NAA35: variants seen among roughly 807,000 people sequenced by gnomAD.
The protein encoded by NAA35 is MAK10 homolog, amino-acid N-acetyltransferase subunit.
NAA35 carries 18 observed loss-of-function variants against 101.7 expected under a neutral mutation model. The ratio of observed to expected loss-of-function variants is 0.18; its 90% CI spans 0.12 to 0.26. The LOEUF is 0.26. Ranked by LOEUF, NAA35 falls within the 10% of genes least tolerant of loss-of-function variation. The pLI is 1.00. For synonymous variants in NAA35, 267 were observed against 273.1 expected, an observed-to-expected ratio of 0.98 and a Z score of 0.22; for missense variants, 601 against 886.8, an observed-to-expected ratio of 0.68 and a Z score of 4.09.
intron 11 of NAA35, among the ~76,000 whole-genome samples, chr9:85,979,472 T>C (rs1830346160): frequency 6.6e-6 from 1 of 152,174 alleles, no homozygotes; most frequent in Non-Finnish European, 1.5e-5. Context: ...AGGGCAAATA[T>C]TTAGGCTAAA....
intron 14 of NAA35, among the ~76,000 whole-genome samples, chr9:86,008,137 A>C (rs1831731228): frequency 6.6e-6 from 1 of 152,236 alleles, no homozygotes; most frequent in South Asian, 2.1e-4. Context: ...ATCTCAGCTT[A>C]CTGCAACCTC....
intron 3 of NAA35, among the ~76,000 whole-genome samples, chr9:85,958,045 G>T (rs1434282042): frequency 6.6e-6 from 1 of 151,790 alleles, no homozygotes; most frequent in Admixed American, 6.6e-5. Context: ...GGGTTCAAGC[G>T]ATTCTCCTGC....
intron 11 of NAA35, among the ~76,000 whole-genome samples, chr9:85,979,064 C>T (rs1830330565): frequency 6.6e-6 from 1 of 152,162 alleles, no homozygotes; most frequent in Non-Finnish European, 1.5e-5. Context: ...TTCGATTACA[C>T]ATGTTAGAAA....
chr9:86,019,215 T>C (rs908058810), intron 21 of NAA35, among the ~76,000 whole-genome samples: 1 of 151,940 alleles, frequency 6.6e-6, no homozygotes, highest in Non-Finnish European at 1.5e-5. Flanking sequence ...TCTCAGCACT[T>C]TGGGAGGCCG....
Position 85,941,232 on chromosome 9 carries a change from C to A in NAA35, c.-47C>A. 1.0e-6 allele frequency: 1 copy of A among 986,554 alleles called. No homozygotes were observed. Among genetic ancestry groups the A allele is most frequent in the South Asian group, 4.6e-5 (1 of 21,534 alleles). 61.1% of individuals were successfully genotyped at this position (986,554 alleles called of 1,614,324 possible). ...GAGGCGGCGTCGTTATTTCCGTGGT[C>A]CGGACAGTGCGTGGCGGCGCGGGTG... On this transcript the variant is annotated 5_prime_UTR_variant, in exon 1 of 23. Transcript: ENST00000361671.
chr9:85,992,571 T>A (rs1830965118), intron 11 of NAA35, among the ~76,000 whole-genome samples: 1 of 152,150 alleles, frequency 6.6e-6, no homozygotes, highest in African/African-American at 2.4e-5. Context: ...TTCTGTAATA[T>A]TCCAAAGATT....
chr9:86,018,224 C>T, intron 19 of NAA35, 31 bp from the exon 20 acceptor site: 1 of 1,589,540 alleles, frequency 6.3e-7, no homozygotes, highest in South Asian at 1.1e-5. Context: ...ATATTGATTT[C>T]ATCTTTTTTC....
chr9:85,947,822 T>C (rs1268302951), intron 2 of NAA35, among the ~76,000 whole-genome samples: 1 of 152,196 alleles, frequency 6.6e-6, no homozygotes, highest in Non-Finnish European at 1.5e-5. Flanking sequence ...TCTCAAACCC[T>C]GAATTCTTCA....
Position 86,017,478 on chromosome 9 carries a change from G to A in NAA35, c.1706-20G>A, listed in dbSNP as rs372017994. The A allele has an allele frequency of 2.0e-5, 33 of 1,610,418 alleles. No individual in the cohort carries two copies. The highest frequency in any genetic ancestry group is 2.7e-5 in the Non-Finnish European group (32 of 1,177,516). The stretch of plus-strand genomic sequence containing the variant: ...GGAGGAAAAGATTATGGAAGATTAC[G>A]TTTTTCTTTCTAATTACAGTTCGCC... On this transcript the variant is annotated intron_variant, in intron 18 of 22. Coordinates refer to ENST00000361671, the MANE Select transcript of NAA35 (RefSeq NM_024635.4).
Position 85,941,173 on chromosome 9 carries a change from G to T in NAA35, c.-106G>T. ...ACGCATGCGTGCACGCTGCCGGTCG[G>T]GCTGGGCTGAGAGGGGAGGGGGCGG... On this transcript the variant is annotated 5_prime_UTR_variant, in exon 1 of 23. Transcript: ENST00000361671. 7.1e-6 allele frequency: 7 copies of T among 986,456 alleles called. No individual in the cohort carries two copies. The highest frequency in any genetic ancestry group is 8.4e-6 in the Non-Finnish European group (7 of 830,526). 61.1% of individuals were successfully genotyped at this position (986,456 alleles called of 1,614,324 possible).
At chr9:85,973,713 G>A (rs1830093850) in intron 6 of NAA35, among the ~76,000 whole-genome samples, 1 of 151,868 alleles carries the variant, frequency 6.6e-6, no homozygotes, top group Admixed American at 6.6e-5. Flanking sequence ...GACTATAAAA[G>A]AGAATAAGCT....
intron 15 of NAA35, 71 bp from the exon 16 acceptor site, chr9:86,012,975 T>C (rs184541285): frequency 2.3e-5 from 24 of 1,055,604 alleles, no homozygotes; most frequent in Admixed American, 2.0e-4. Context: ...GATTGTGAAC[T>C]TGGAATGTTA....
chr9:85,941,169 G>A lies in NAA35; in HGVS notation c.-110G>A, dbSNP rs971716491. The A allele has an allele frequency of 1.0e-6, 1 of 986,178 alleles. No individual in the cohort carries two copies. The highest frequency in any genetic ancestry group is 6.1e-5 in the Admixed American group (1 of 16,298). The allele number at this position is 986,178 out of a possible 1,614,324, so 61.1% of individuals were successfully genotyped here. On this transcript the variant is annotated 5_prime_UTR_variant, in exon 1 of 23. Transcript: ENST00000361671. ...GCATACGCATGCGTGCACGCTGCCG[G>A]TCGGGCTGGGCTGAGAGGGGAGGGG...
intron 19 of NAA35, 68 bp from the exon 20 acceptor site, chr9:86,018,187 C>A: frequency 1.4e-6 from 2 of 1,399,870 alleles, no homozygotes; most frequent in Non-Finnish European, 2.0e-6. Flanking sequence ...GTCTTCCATT[C>A]TGTATTGATG....
rs184050070 is a variant in NAA35, at chr9:85,948,850, C to T, written c.124+6567C>T. 1.1e-4 allele frequency among the ~76,000 whole-genome samples: 16 copies of T among 152,124 alleles called. No homozygotes were observed. The South Asian group carries it at 1.2e-3, about 12-fold the overall frequency. On this transcript the variant is annotated intron_variant, in intron 2 of 22. Coordinates refer to ENST00000361671, the MANE Select transcript of NAA35 (RefSeq NM_024635.4). ...TCGGTTCACTGCAACCTCCATCTCC[C>T]GGGTTCAGGCGATTCTCCTGCCTCA... is the stretch of plus-strand genomic sequence containing the variant.
chr9:85,944,562 T>C (rs915637077), intron 2 of NAA35, among the ~76,000 whole-genome samples: 3 of 152,218 alleles, frequency 2.0e-5, no homozygotes, highest in Non-Finnish European at 4.4e-5. Context: ...GATGTGTGCC[T>C]TAAACTTTTC....
At chr9:85,942,311 C>A (rs1249573807) in intron 2 of NAA35, 28 bp downstream of exon 2, 1 of 1,610,606 alleles carries the variant, frequency 6.2e-7, no homozygotes, top group Non-Finnish European at 8.5e-7. Context: ...ATTAGAAGTT[C>A]AGCATCTGGA....
In NAA35 at chr9:86,007,445, C is replaced by T. The variant is rs1487270946; in HGVS notation, c.1204C>T (p.Pro402Ser). Residue 402 changes from proline to serine, a missense_variant, in exon 14 of 23, where the codon CCT becomes TCT. Pro to Ser is a moderately conservative substitution (Grantham distance 74). This residue lies in a region of NAA35 where 190 missense variants were observed against 223.1 expected (regional missense o/e 0.85). Coordinates refer to ENST00000361671, the MANE Select transcript of NAA35 (RefSeq NM_024635.4). ...AGATGCACTTCGGTCTTTTGTCAGTCCTCCGGTGCTTTCCCCCAAGTAAGT... is the reference window on the plus strand; with the variant it reads ...AGATGCACTTCGGTCTTTTGTCAGTTCTCCGGTGCTTTCCCCCAAGTAAGT... The part of the protein sequence containing the change: ...VKDALRSFVS[P>S]PVLSPKCYLY... 2 of 1,613,368 alleles carry T rather than the reference C, an allele frequency of 1.2e-6. No homozygotes were observed. The highest frequency in any genetic ancestry group is 1.7e-6 in the Non-Finnish European group (2 of 1,179,442).
chr9:86,021,746 C>G (rs867499930), intron 22 of NAA35, among the ~76,000 whole-genome samples, 155 bp from the exon 23 acceptor site: 1 of 152,128 alleles, frequency 6.6e-6, no homozygotes, highest in African/African-American at 2.4e-5. Context: ...CAGGTTAGTT[C>G]CTACCTTTTT....
Sources: gnomAD v4.1 joint callset for allele counts (sites outside exome capture counted in the v4.1 genomes callset) on GRCh38, gnomAD v4.1.1 for gene constraint, gnomAD v4.1.1 regional missense constraint, MANE v1.5 for transcripts, NCBI Gene and HGNC (gene_info 2026-07-23, HGNC 2026-07-21) for gene names.